ARHGEF10: variants seen among roughly 807,000 people sequenced by gnomAD.
ARHGEF10 encodes Rho guanine nucleotide exchange factor 10, also known as Rho guanine nucleotide exchange factor (GEF) 10.
ARHGEF10 carries 140 observed loss-of-function variants against 147.4 expected under a neutral mutation model. That is an observed-to-expected ratio of 0.95 (90% CI 0.83 to 1.09). The LOEUF (loss-of-function observed/expected upper bound fraction) is 1.09, where lower values mean the gene tolerates loss of function less well. Among genes scored for constraint, ARHGEF10 ranks in the 50% least tolerant of loss-of-function variants. ARHGEF10 has a pLI of 0.00. For missense variants in ARHGEF10, 2,222 were observed against 1,752.7 expected (o/e 1.27, Z -4.78); for synonymous variants, 902 against 695.8 (o/e 1.30, Z -4.67).
At chr8:1,877,249 A>G (rs1807787125) in intron 8 of ARHGEF10, among the ~76,000 whole-genome samples, 1 of 152,070 alleles carries the variant, frequency 6.6e-6, no homozygotes, top group African/African-American at 2.4e-5. Flanking sequence ...TTTTTTTGAG[A>G]TGGAGTCTCG....
chr8:1,850,338 A>G (rs1805020138), intron 2 of ARHGEF10, among the ~76,000 whole-genome samples: 1 of 135,078 alleles, frequency 7.4e-6, no homozygotes, highest in East Asian at 2.2e-4. Flanking sequence ...AACCGTGTGG[A>G]CAGACGGCAA....
At chr8:1,824,298 C>A (rs1357180678) in intron 1 of ARHGEF10, among the ~76,000 whole-genome samples, 185 bp downstream of exon 1, 1 of 151,882 alleles carries the variant, frequency 6.6e-6, no homozygotes, top group Non-Finnish European at 1.5e-5. Context: ...GCTCCCCCTT[C>A]CGCGGCGCCC....
At chr8:1,857,459 A>G (rs1805637362) in intron 2 of ARHGEF10, among the ~76,000 whole-genome samples, 1 of 145,002 alleles carries the variant, frequency 6.9e-6, no homozygotes. Context: ...TTGCCCTGTC[A>G]CCCAGGCTGG....
At chr8:1,840,255 C>T (rs1279829050) in intron 1 of ARHGEF10, among the ~76,000 whole-genome samples, 11 of 114,750 alleles carry the variant, frequency 9.6e-5, no homozygotes, top group Admixed American at 3.5e-4. Context: ...GGGGACTGTC[C>T]GGTGTGGAAT....
rs144205802 is a variant in ARHGEF10, at chr8:1,852,700, T to C, written c.38-5260T>C. ...TGGAAACGTAATGTTTCTTAAAGTTTTCTATTTCATAACTTGTTTTAGAAA... is the reference window on the plus strand; with the variant it reads ...TGGAAACGTAATGTTTCTTAAAGTTCTCTATTTCATAACTTGTTTTAGAAA... On this transcript the variant is annotated intron_variant, in intron 2 of 28. Transcript: ENST00000349830. Among the ~76,000 whole-genome samples the C allele has an allele frequency of 5.5e-3, 831 of 152,362 alleles. 4 individuals carry two copies. Among genetic ancestry groups the C allele is most frequent in the African/African-American group, 0.018 (743 of 41,564 alleles).
chr8:1,933,233 C>T (rs1021494578), intron 25 of ARHGEF10, among the ~76,000 whole-genome samples: 3 of 152,156 alleles, frequency 2.0e-5, no homozygotes, highest in Non-Finnish European at 4.4e-5. Context: ...GGCCTCTCTT[C>T]GTGATGCAGT....
chr8:1,916,670 A>G (rs1197944778), intron 18 of ARHGEF10, among the ~76,000 whole-genome samples: 2 of 152,182 alleles, frequency 1.3e-5, no homozygotes, highest in Non-Finnish European at 2.9e-5. Context: ...AGATTTCTCT[A>G]TACTTTCCAT....
chr8:1,853,736 G>A (rs1805328812), intron 2 of ARHGEF10, among the ~76,000 whole-genome samples: 1 of 152,254 alleles, frequency 6.6e-6, no homozygotes, highest in Middle Eastern at 3.2e-3. Context: ...AGGTCAGGGT[G>A]CTGGCAGGCT....
intron 1 of ARHGEF10, among the ~76,000 whole-genome samples, chr8:1,828,866 T>TA (rs1356048459): frequency 2.6e-5 from 4 of 151,834 alleles, no homozygotes; most frequent in African/African-American, 9.7e-5. Context: ...CATGCGCACT[T>TA]ACTGTTTTAT....
At chr8:1,877,714 A>G (rs1481624689) in intron 8 of ARHGEF10, among the ~76,000 whole-genome samples, 3 of 148,326 alleles carry the variant, frequency 2.0e-5, no homozygotes, top group Non-Finnish European at 4.5e-5. Flanking sequence ...AGGCCGTGCC[A>G]CCGGTGTTTT....
chr8:1,951,224 T>G (rs1815020482), intron 27 of ARHGEF10, among the ~76,000 whole-genome samples: 1 of 152,252 alleles, frequency 6.6e-6, no homozygotes, highest in South Asian at 2.1e-4. Context: ...CCCGGGCTGC[T>G]CCCCGTGTTG....
At chr8:1,853,791 TC>T (rs1394212673) in intron 2 of ARHGEF10, among the ~76,000 whole-genome samples, 6 of 152,338 alleles carry the variant, frequency 3.9e-5, no homozygotes, top group African/African-American at 1.4e-4. Flanking sequence ...CCTTGCCTCT[TC>T]CAGCGCCCGC....
chr8:1,832,481 G>A (rs1585203125), intron 1 of ARHGEF10, among the ~76,000 whole-genome samples: 1 of 149,888 alleles, frequency 6.7e-6, no homozygotes, highest in South Asian at 2.1e-4. Flanking sequence ...GGCAGAGAGA[G>A]ACACAGGCAG....
At position 1,956,746 on chromosome 8, in the gene ARHGEF10, C is replaced by G. The variant is rs376368684; in HGVS notation, c.3521-3C>G. 19 of 1,613,776 alleles carry G rather than the reference C, an allele frequency of 1.2e-5. No homozygotes were observed. The highest frequency in any genetic ancestry group is 2.2e-5 in the East Asian group (1 of 44,876). On this transcript the variant is annotated splice_region_variant and splice_polypyrimidine_tract_variant and intron_variant, in intron 28 of 28. Coordinates refer to ENST00000349830, the MANE Select transcript of ARHGEF10 (RefSeq NM_014629.4). ...ACAGCTGTTGAACTGTTTCCCTTTT[C>G]AGGAAGAGGCATGGTCTCCTACCAT...
intron 27 of ARHGEF10, among the ~76,000 whole-genome samples, chr8:1,950,799 G>T (rs13268639): frequency 2.0e-5 from 3 of 147,392 alleles, no homozygotes; most frequent in Non-Finnish European, 3.0e-5. Flanking sequence ...AGGCTGGTCT[G>T]GAACTCCTGG....
intron 27 of ARHGEF10, 152 bp from the exon 28 acceptor site, chr8:1,952,553 G>T: frequency 2.0e-6 from 2 of 985,422 alleles, no homozygotes; most frequent in Admixed American, 4.2e-5. Context: ...AGGGAGCCTG[G>T]TGCTCGGGTT....
chr8:1,896,040 C>G (rs1356935846), intron 13 of ARHGEF10, among the ~76,000 whole-genome samples: 1 of 152,102 alleles, frequency 6.6e-6, no homozygotes, highest in East Asian at 1.9e-4. Flanking sequence ...AATCACCATC[C>G]TTATTTGTCT....
chr8:1,824,306 C>A (rs1326062510), intron 1 of ARHGEF10, among the ~76,000 whole-genome samples, 193 bp downstream of exon 1: 1 of 151,918 alleles, frequency 6.6e-6, no homozygotes, highest in East Asian at 2.0e-4. Context: ...TTCCGCGGCG[C>A]CCCCGGCCCC....
rs1814794822 is a variant in ARHGEF10, at chr8:1,948,810, A to T, written c.3397+3155A>T. ...TAAGCATTATTGCATTTCATGCTGT[A>T]TTTAGACATTCCGGTGGGGGCATGC... On this transcript the variant is annotated intron_variant, in intron 27 of 28. Transcript: ENST00000349830. The surrounding 1 kb of genome is among the most constrained non-coding windows in gnomAD (Gnocchi z 4.9). 6.6e-6 allele frequency among the ~76,000 whole-genome samples: 1 copy of T among 152,122 alleles called. No individual in the cohort carries two copies. The highest frequency in any genetic ancestry group is 6.5e-5 in the Admixed American group (1 of 15,274).
Sources: allele counts gnomAD v4.1 joint callset (sites outside exome capture counted in the v4.1 genomes callset), GRCh38; gene constraint gnomAD v4.1.1; non-coding constraint Gnocchi (gnomAD v3.1); transcripts MANE v1.5; gene names NCBI Gene and HGNC (gene_info 2026-07-23, HGNC 2026-07-21).